PTPRD: variants seen among roughly 807,000 people sequenced by gnomAD.
PTPRD encodes protein tyrosine phosphatase receptor type D, also known as receptor-type tyrosine-protein phosphatase delta.
PTPRD carries 34 observed loss-of-function variants against 214.5 expected under a neutral mutation model. That is an observed-to-expected ratio of 0.16 (90% confidence interval 0.12 to 0.21). The LOEUF (loss-of-function observed/expected upper bound fraction) is 0.21, where lower values mean the gene tolerates loss of function less well. Ranked by LOEUF, PTPRD falls within the 10% of genes least tolerant of loss-of-function variation. The pLI is 1.00. For missense variants in PTPRD, 2,545 were observed against 2,398.7 expected, an observed-to-expected ratio of 1.06 and a Z score of -1.27; for synonymous variants, 1,128 against 845.7, an observed-to-expected ratio of 1.33 and a Z score of -5.79.
chr9:9,335,967 C>T lies in PTPRD; in HGVS notation c.-203+61482G>A, dbSNP rs150047667. Among the ~76,000 whole-genome samples the T allele has an allele frequency of 3.7e-3, 564 of 151,688 alleles. 4 individuals are homozygous for T. Among genetic ancestry groups the T allele is most frequent in the African/African-American group, 0.013 (537 of 41,370 alleles). On this transcript the variant is annotated intron_variant, in intron 9 of 45. Coordinates refer to ENST00000381196, the MANE Select transcript of PTPRD (RefSeq NM_002839.4). ...GAGATCATAAACTTGGATAAAATAA[C>T]TTTCAAAAAAGAAAGAAAGAAATCT...
intron 6 of PTPRD, among the ~76,000 whole-genome samples, chr9:9,740,741 C>T (rs1054720942): frequency 6.6e-6 from 1 of 152,024 alleles, no homozygotes; most frequent in African/African-American, 2.4e-5. Flanking sequence ...TGTTTTTTCT[C>T]AATACAATAA....
chr9:9,965,824 C>T (rs7873262), intron 4 of PTPRD, among the ~76,000 whole-genome samples: 19,533 of 152,146 alleles, frequency 0.13, 2,243 homozygotes, highest in African/African-American at 0.31. Context: ...TCTTGAAAAT[C>T]ATCTAGGACA....
chr9:10,338,789 A>G (rs2096888281), intron 3 of PTPRD, among the ~76,000 whole-genome samples: 1 of 151,602 alleles, frequency 6.6e-6, no homozygotes, highest in South Asian at 2.1e-4. Context: ...GGAACAGGAG[A>G]AAAAAAATAC....
At chr9:8,991,183 C>A (rs980350911) in intron 11 of PTPRD, among the ~76,000 whole-genome samples, 2 of 149,032 alleles carry the variant, frequency 1.3e-5, no homozygotes, top group African/African-American at 5.0e-5. Context: ...GGCGCCATTG[C>A]ACTCCAGCCT....
At chr9:10,183,549 GAGA>G (rs1221936322) in intron 3 of PTPRD, among the ~76,000 whole-genome samples, 1 of 152,130 alleles carries the variant, frequency 6.6e-6, no homozygotes, top group Non-Finnish European at 1.5e-5. Context: ...GAGAGAATAT[GAGA>G]AGAAGAAATG....
In PTPRD at chr9:9,046,686, A is replaced by G. The variant is rs2099673020; in HGVS notation, c.-142-27951T>C. Among the ~76,000 whole-genome samples the G allele has an allele frequency of 6.6e-5, 10 of 152,142 alleles. 1 individual carries two copies. The South Asian group carries it at 2.1e-3, about 31-fold the overall frequency. ...TATTTTAGGCTTTGCAAGACATGAA[A>G]TCTCTTCTGTAATCATGCAGGCAAT... On this transcript the variant is annotated intron_variant, in intron 10 of 45. Transcript: ENST00000381196.
At chr9:9,872,653 T>C (rs1300611139) in intron 5 of PTPRD, among the ~76,000 whole-genome samples, 12 of 151,978 alleles carry the variant, frequency 7.9e-5, no homozygotes, top group Non-Finnish European at 1.5e-4. Flanking sequence ...GGAGATAGAA[T>C]TACATGAGAT....
intron 10 of PTPRD, among the ~76,000 whole-genome samples, chr9:9,058,957 G>C (rs1253654120): frequency 1.3e-5 from 2 of 152,120 alleles, no homozygotes; most frequent in African/African-American, 4.8e-5. Flanking sequence ...AAACATCTCA[G>C]CTGAAGAAGA....
At chr9:8,321,113 C>T (rs1003869229) in intron 44 of PTPRD, among the ~76,000 whole-genome samples, 7 of 152,034 alleles carry the variant, frequency 4.6e-5, no homozygotes, top group South Asian at 2.1e-4. Context: ...TGTCTAGCGG[C>T]AGTGAAACCT....
intron 3 of PTPRD, among the ~76,000 whole-genome samples, chr9:10,145,840 A>G (rs961819955): frequency 6.6e-6 from 1 of 152,104 alleles, no homozygotes; most frequent in Admixed American, 6.6e-5. Context: ...AATCTGGAAA[A>G]TGGACATAAT....
chr9:8,404,032 C>G (rs2092715489), intron 36 of PTPRD, among the ~76,000 whole-genome samples: 1 of 152,182 alleles, frequency 6.6e-6, no homozygotes, highest in African/African-American at 2.4e-5. Flanking sequence ...AGATGCACTT[C>G]TGTCATATGG....
At chr9:9,941,017 G>C (rs1448772218) in intron 4 of PTPRD, among the ~76,000 whole-genome samples, 1 of 152,090 alleles carries the variant, frequency 6.6e-6, no homozygotes, top group Non-Finnish European at 1.5e-5. Flanking sequence ...AAAAAAAAGA[G>C]TTGTCTTGGG....
intron 5 of PTPRD, among the ~76,000 whole-genome samples, chr9:9,840,560 A>T (rs935617891): frequency 4.6e-5 from 7 of 152,012 alleles, no homozygotes; most frequent in South Asian, 4.1e-4. Context: ...AAATAAAATT[A>T]TAAAATTGTA....
At chr9:9,368,604 A>C (rs900402995) in intron 9 of PTPRD, among the ~76,000 whole-genome samples, 2 of 151,894 alleles carry the variant, frequency 1.3e-5, no homozygotes, top group African/African-American at 4.8e-5. Flanking sequence ...GATTATTCTT[A>C]AATGTCCCAC....
At chr9:8,392,733 AC>A (rs2090009327) in intron 36 of PTPRD, among the ~76,000 whole-genome samples, 1 of 152,150 alleles carries the variant, frequency 6.6e-6, no homozygotes, top group Admixed American at 6.5e-5. Context: ...TGGTGAAAAG[AC>A]ATTTCAGGTA....
intron 3 of PTPRD, among the ~76,000 whole-genome samples, chr9:10,177,755 T>C (rs905642543): frequency 3.3e-5 from 5 of 151,946 alleles, no homozygotes; most frequent in African/African-American, 1.2e-4. Flanking sequence ...TATTCTTTCT[T>C]CTCTTAGCTC....
At chr9:8,925,544 T>C (rs2098873998) in intron 11 of PTPRD, among the ~76,000 whole-genome samples, 1 of 151,862 alleles carries the variant, frequency 6.6e-6, no homozygotes, top group South Asian at 2.1e-4. Flanking sequence ...CAACTACAAG[T>C]TGCTAAGCTG....
At chr9:8,837,760 C>T (rs1179466004) in intron 11 of PTPRD, among the ~76,000 whole-genome samples, 16 of 152,098 alleles carry the variant, frequency 1.1e-4, no homozygotes, top group Non-Finnish European at 1.3e-4. Context: ...TCTCAGCCTC[C>T]CAAAGTGTTG....
intron 12 of PTPRD, among the ~76,000 whole-genome samples, chr9:8,662,539 A>T (rs780591672): frequency 7.2e-5 from 11 of 152,152 alleles, no homozygotes; most frequent in Non-Finnish European, 1.3e-4. Context: ...GCTCTGATAC[A>T]GCCTAGGAAA....
Sources: allele counts gnomAD v4.1 joint callset (sites outside exome capture counted in the v4.1 genomes callset), GRCh38; gene constraint gnomAD v4.1.1; transcripts MANE v1.5; gene names NCBI Gene and HGNC (gene_info 2026-07-23, HGNC 2026-07-21).